Variants in TULP4 observed in about 807,000 individuals in gnomAD.
TULP4 encodes TUB like protein 4.
TULP4 carries 16 observed loss-of-function variants against 129.0 expected under a neutral mutation model. That is an observed-to-expected ratio of 0.12 (90% confidence interval 0.08 to 0.19). TULP4 has a LOEUF of 0.19. TULP4 is among the 10% of genes least tolerant of loss of function. The pLI is 1.00. For missense variants in TULP4, 1,842 were observed against 2,059.1 expected, an observed-to-expected ratio of 0.89 and a Z score of 2.04; for synonymous variants, 998 against 854.0, an observed-to-expected ratio of 1.17 and a Z score of -2.94.
intron 1 of TULP4, among the ~76,000 whole-genome samples, chr6:158,289,239 GGT>G (rs1778887348): frequency 6.6e-6 from 1 of 152,002 alleles, no homozygotes; most frequent in South Asian, 2.1e-4. Context: ...TAAGTTTCAT[GGT>G]GTCTGTAGTT....
intron 1 of TULP4, among the ~76,000 whole-genome samples, chr6:158,337,100 C>G (rs4709197): frequency 4.5e-5 from 3 of 67,254 alleles, no homozygotes; most frequent in Admixed American, 1.5e-4. Flanking sequence ...CTCTCTCTCT[C>G]TTTTTTTCTC....
chr6:158,259,178 C>T (rs536836215), intron 1 of TULP4, among the ~76,000 whole-genome samples: 3 of 152,274 alleles, frequency 2.0e-5, no homozygotes, highest in South Asian at 2.1e-4. Context: ...TGCAGTGAGC[C>T]GAGGTTGCGC....
At chr6:158,471,604 G>A (rs1049186053) in intron 6 of TULP4, among the ~76,000 whole-genome samples, 1 of 152,206 alleles carries the variant, frequency 6.6e-6, no homozygotes, top group Admixed American at 6.5e-5. Context: ...GTCATTCTGC[G>A]TTAACCCAGG....
At chr6:158,406,141 T>G (rs1777973656) in intron 1 of TULP4, among the ~76,000 whole-genome samples, 1 of 152,092 alleles carries the variant, frequency 6.6e-6, no homozygotes. Context: ...GACAGCTTGG[T>G]TAACAGGTGC....
At chr6:158,336,672 C>T (rs1260391699) in intron 1 of TULP4, among the ~76,000 whole-genome samples, 1 of 152,074 alleles carries the variant, frequency 6.6e-6, no homozygotes, top group Non-Finnish European at 1.5e-5. Flanking sequence ...TTGAGACCTG[C>T]CAGGCAATTT....
chr6:158,332,209 AT>A (rs1242681928), intron 1 of TULP4, among the ~76,000 whole-genome samples: 8 of 20,134 alleles, frequency 4.0e-4, no homozygotes, highest in Non-Finnish European at 9.3e-4. Flanking sequence ...AAATATATAT[AT>A]ATATATATAT....
At chr6:158,406,180 C>CT (rs2114992618) in intron 1 of TULP4, among the ~76,000 whole-genome samples, 2 of 152,312 alleles carry the variant, frequency 1.3e-5, no homozygotes, top group South Asian at 4.1e-4. Flanking sequence ...GACAGAGCCT[C>CT]TTGGACCCTG....
Position 158,493,544 on chromosome 6 carries a change from C to A in TULP4, c.1632-29C>A. 1.4e-6 allele frequency: 2 copies of A among 1,448,796 alleles called. No homozygotes were observed. Among genetic ancestry groups the A allele is most frequent in the Non-Finnish European group, 1.8e-6 (2 of 1,097,846 alleles). The allele number at this position is 1,448,796 out of a possible 1,614,324, so 89.7% of individuals were successfully genotyped here. On this transcript the variant is annotated intron_variant, in intron 9 of 13. Coordinates refer to ENST00000367097, the MANE Select transcript of TULP4 (RefSeq NM_020245.5). This position sits in a 1 kb window ranked among gnomAD's most constrained non-coding sequence, Gnocchi z 4.4. Reference sequence around the variant, plus strand: ...ATGCTCACCATTCCCGCCACGGATGCCTGACCCCTCCTGGCCTTGCCTCCC... The same window carrying A: ...ATGCTCACCATTCCCGCCACGGATGACTGACCCCTCCTGGCCTTGCCTCCC...
At chr6:158,258,466 C>G (rs1485278671) in intron 1 of TULP4, among the ~76,000 whole-genome samples, 1 of 152,120 alleles carries the variant, frequency 6.6e-6, no homozygotes, top group Non-Finnish European at 1.5e-5. Context: ...CAGGGAAGAG[C>G]TGATGAGTTG....
Position 158,508,135 on chromosome 6 carries a change from G to GTGTTTTTTGTTGT in TULP4, c.*1466_*1478dup, listed in dbSNP as rs558679645. On this transcript the variant is annotated 3_prime_UTR_variant, in exon 14 of 14. Transcript: ENST00000367097. Reference sequence around the variant, plus strand: ...ATTCAAGCCCTGATGACAAAACCCAGTGTTTTTTGTTGTTGTTTTTTGTTG... The same window carrying GTGTTTTTTGTTGT: ...ATTCAAGCCCTGATGACAAAACCCAGTGTTTTTTGTTGTTGTTTTTTGTTGTTGTTTTTTGTTG... 1.6e-4 allele frequency: 24 copies of GTGTTTTTTGTTGT among 152,274 alleles called. No individual in the cohort carries two copies. Among genetic ancestry groups the GTGTTTTTTGTTGT allele is most frequent in the African/African-American group, 3.6e-4 (15 of 41,548 alleles). The allele number at this position is 152,274 out of a possible 1,614,324, so 9.4% of individuals were successfully genotyped here. A position where few individuals can be genotyped will look rare whatever the true frequency, so the allele number is the denominator to read the frequency against.
intron 1 of TULP4, among the ~76,000 whole-genome samples, chr6:158,329,035 G>A (rs529079080): frequency 6.6e-6 from 1 of 152,314 alleles, no homozygotes; most frequent in South Asian, 2.1e-4. Context: ...TTTGTACTGT[G>A]CAACAGTTTG....
intron 1 of TULP4, among the ~76,000 whole-genome samples, chr6:158,240,790 G>T (rs1020491355): frequency 6.9e-6 from 1 of 145,678 alleles, no homozygotes; most frequent in Admixed American, 6.8e-5. Flanking sequence ...CTGGCCAGGC[G>T]GGGGGCTGAA....
rs34604658 is a variant in TULP4, at chr6:158,402,888, GTT to G, written c.253-10159_253-10158del. Among the ~76,000 whole-genome samples, 1,045 of 127,922 alleles carry G rather than the reference GTT, an allele frequency of 8.2e-3. 12 individuals carry two copies. Among genetic ancestry groups the G allele is most frequent in the African/African-American group, 0.027 (941 of 35,378 alleles). 83.9% of individuals were successfully genotyped at this position (127,922 alleles called of 152,430 possible). A position where few individuals can be genotyped will look rare whatever the true frequency, so the allele number is the denominator to read the frequency against. ...CTGTGCCAGAATGCTGGCTTTGGGA[GTT>G]TTTTTTTTTTTTTTTTTGACAACTT... On this transcript the variant is annotated intron_variant, in intron 1 of 13. Transcript: ENST00000367097.
intron 2 of TULP4, among the ~76,000 whole-genome samples, chr6:158,415,831 A>G (rs1015257185): frequency 1.4e-4 from 21 of 152,130 alleles, no homozygotes; most frequent in Admixed American, 1.3e-4. Context: ...AGATGTATAT[A>G]TGAAAGGGAG....
At chr6:158,325,370 T>TTC (rs397785884) in intron 1 of TULP4, among the ~76,000 whole-genome samples, 5 of 150,962 alleles carry the variant, frequency 3.3e-5, no homozygotes, top group Non-Finnish European at 5.9e-5. Flanking sequence ...TTTTTTTTTT[T>TTC]CAGACAGAGT....
chr6:158,458,048 T>C (rs962834584), intron 5 of TULP4, among the ~76,000 whole-genome samples: 3 of 152,172 alleles, frequency 2.0e-5, no homozygotes, highest in African/African-American at 7.2e-5. Flanking sequence ...GCATGTCTAA[T>C]GACTAATAAA....
At chr6:158,356,182 G>T (rs1780644619) in intron 1 of TULP4, among the ~76,000 whole-genome samples, 2 of 152,212 alleles carry the variant, frequency 1.3e-5, no homozygotes, top group African/African-American at 4.8e-5. Flanking sequence ...TGAGTTAGTG[G>T]TGTTTAAATC....
At chr6:158,329,733 A>T (rs1779832207) in intron 1 of TULP4, among the ~76,000 whole-genome samples, 1 of 152,102 alleles carries the variant, frequency 6.6e-6, no homozygotes, top group African/African-American at 2.4e-5. Context: ...ATTTGTGACT[A>T]ATTAGGGAAT....
chr6:158,291,525 T>G (rs1445079692), intron 1 of TULP4, among the ~76,000 whole-genome samples: 1 of 152,232 alleles, frequency 6.6e-6, no homozygotes, highest in African/African-American at 2.4e-5. Flanking sequence ...GGATTTCTTC[T>G]TTATTTCTCC....
Sources: allele counts gnomAD v4.1 joint callset (sites outside exome capture counted in the v4.1 genomes callset), GRCh38; gene constraint gnomAD v4.1.1; non-coding constraint Gnocchi (gnomAD v3.1); transcripts MANE v1.5; gene names NCBI Gene and HGNC (gene_info 2026-07-23, HGNC 2026-07-21).